SMARCC1: variants seen among roughly 807,000 people sequenced by gnomAD.
The protein encoded by SMARCC1 is SWI/SNF complex subunit SMARCC1.
Under a neutral mutation model 147.4 loss-of-function variants are expected in SMARCC1, and 43 were observed. That is an observed-to-expected ratio of 0.29 (90% confidence interval 0.23 to 0.38). The LOEUF is 0.38. Ranked by LOEUF, SMARCC1 falls within the 10% of genes least tolerant of loss-of-function variation. SMARCC1 has a pLI of 1.00. For synonymous variants in SMARCC1, 495 were observed against 484.4 expected, an observed-to-expected ratio of 1.02 and a Z score of -0.29; for missense variants, 1,119 against 1,381.1, an observed-to-expected ratio of 0.81 and a Z score of 3.01.
At chr3:47,733,994 T>G (rs1349941908) in intron 5 of SMARCC1, among the ~76,000 whole-genome samples, 1 of 151,968 alleles carries the variant, frequency 6.6e-6, no homozygotes, top group Non-Finnish European at 1.5e-5. Flanking sequence ...TATACATATG[T>G]ATGTATATCT....
At chr3:47,687,248 A>T (rs1053569897) in intron 13 of SMARCC1, among the ~76,000 whole-genome samples, 3 of 152,242 alleles carry the variant, frequency 2.0e-5, no homozygotes, top group Admixed American at 6.5e-5. Flanking sequence ...AAGGGTAACA[A>T]ATTTTATTTC....
At chr3:47,633,096 C>T (rs545464783) in intron 24 of SMARCC1, among the ~76,000 whole-genome samples, 23 of 152,144 alleles carry the variant, frequency 1.5e-4, no homozygotes, top group Non-Finnish European at 2.4e-4. Flanking sequence ...TTTATTGAAA[C>T]GGATGCTTGT....
chr3:47,764,068 T>C (rs1231244135), intron 2 of SMARCC1, among the ~76,000 whole-genome samples: 1 of 151,954 alleles, frequency 6.6e-6, no homozygotes, highest in African/African-American at 2.4e-5. Context: ...GGGATTTCGC[T>C]CTATCACTCA....
In SMARCC1 at chr3:47,619,353, A is replaced by G. The variant is rs144486626; in HGVS notation, c.2781+2854T>C. ...GTGATGTGCTACTTCTGTGTTAACA[A>G]AGACATCTGATTAAGTCCCTGCCCT... On this transcript the variant is annotated intron_variant, in intron 25 of 27. Transcript: ENST00000254480. 7.5e-3 allele frequency among the ~76,000 whole-genome samples: 1,146 copies of G among 152,348 alleles called. 7 individuals carry two copies. The highest frequency in any genetic ancestry group is 0.012 in the Non-Finnish European group (836 of 68,040).
chr3:47,700,622 T>C (rs11927789), intron 11 of SMARCC1, among the ~76,000 whole-genome samples: 6,296 of 152,244 alleles, frequency 0.041, 305 homozygotes, highest in Admixed American at 0.12. Context: ...GCAACCTCCT[T>C]CAAGTGATTC....
At position 47,733,977 on chromosome 3, in the gene SMARCC1, GTA is replaced by G. The variant is rs575979227; in HGVS notation, c.576+2055_576+2056del. Among the ~76,000 whole-genome samples the G allele has an allele frequency of 4.0e-3, 603 of 150,870 alleles. 2 individuals are homozygous for G. The highest frequency in any genetic ancestry group is 6.6e-3 in the African/African-American group (271 of 40,980). The stretch of plus-strand genomic sequence containing the variant: ...TGTATACACATATATGTACGTGTGT[GTA>G]TATATATACATATGTATGTATATCT... On this transcript the variant is annotated intron_variant, in intron 5 of 27. Transcript: ENST00000254480.
At chr3:47,679,865 A>C (rs1323732013) in intron 15 of SMARCC1, among the ~76,000 whole-genome samples, 1 of 150,572 alleles carries the variant, frequency 6.6e-6, no homozygotes, top group African/African-American at 2.4e-5. Flanking sequence ...CCATCTCAAA[A>C]AAAAAAAAAA....
At chr3:47,672,279 A>G (rs1467901709) in intron 18 of SMARCC1, among the ~76,000 whole-genome samples, 4 of 151,742 alleles carry the variant, frequency 2.6e-5, no homozygotes, top group Non-Finnish European at 5.9e-5. Flanking sequence ...CAGTGGCACG[A>G]TCTTGGCTCA....
intron 21 of SMARCC1, among the ~76,000 whole-genome samples, chr3:47,641,447 T>A (rs2033046540): frequency 6.6e-6 from 1 of 152,138 alleles, no homozygotes; most frequent in South Asian, 2.1e-4. Context: ...ACCTTGCCAC[T>A]GCACTCCAGC....
intron 7 of SMARCC1, among the ~76,000 whole-genome samples, chr3:47,717,269 C>T (rs1442318691): frequency 6.6e-6 from 1 of 152,122 alleles, no homozygotes; most frequent in Non-Finnish European, 1.5e-5. Flanking sequence ...GATCCGGCTA[C>T]CAATTTAAGG....
At chr3:47,705,528 G>A (rs916166206) in intron 10 of SMARCC1, among the ~76,000 whole-genome samples, 5 of 152,092 alleles carry the variant, frequency 3.3e-5, no homozygotes, top group Non-Finnish European at 7.4e-5. Flanking sequence ...ACTTCTATTA[G>A]TAAGAGTGTT....
At chr3:47,679,565 A>C (rs2033615767) in intron 15 of SMARCC1, among the ~76,000 whole-genome samples, 1 of 152,204 alleles carries the variant, frequency 6.6e-6, no homozygotes, top group South Asian at 2.1e-4. Flanking sequence ...ACACAAGTTG[A>C]AAGTTGTTAG....
chr3:47,669,230 G>A (rs188883664), intron 19 of SMARCC1, among the ~76,000 whole-genome samples: 31 of 152,302 alleles, frequency 2.0e-4, no homozygotes, highest in Admixed American at 2.6e-4. Context: ...TTTCTTGGAT[G>A]TCTTTAGTGT....
rs181541831 is a variant in SMARCC1 at position 47,750,308 on chromosome 3, G to A, written c.316-4315C>T. On this transcript the variant is annotated intron_variant, in intron 2 of 27. Coordinates refer to ENST00000254480, the MANE Select transcript of SMARCC1 (RefSeq NM_003074.4). ...AAATTAGCTGGGTGTGGTGGTGCACGCCTGTAGTCCCAGCTACTTGGGAGG... is the reference window on the plus strand; with the variant it reads ...AAATTAGCTGGGTGTGGTGGTGCACACCTGTAGTCCCAGCTACTTGGGAGG... 4.3e-3 allele frequency among the ~76,000 whole-genome samples: 647 copies of A among 152,146 alleles called. 7 individuals are homozygous for A. Among genetic ancestry groups the A allele is most frequent in the African/African-American group, 0.015 (622 of 41,508 alleles).
chr3:47,689,707 A>G (rs1255523003), intron 12 of SMARCC1, among the ~76,000 whole-genome samples: 3 of 152,228 alleles, frequency 2.0e-5, no homozygotes, highest in Non-Finnish European at 4.4e-5. Flanking sequence ...TTAATAACAG[A>G]TACAGGACTT....
At chr3:47,633,763 A>ATAT (rs1247394522) in intron 24 of SMARCC1, among the ~76,000 whole-genome samples, 2 of 31,716 alleles carry the variant, frequency 6.3e-5, no homozygotes, top group Non-Finnish European at 1.4e-4. Context: ...AAAAAAAAAA[A>ATAT]ATATATATAT....
chr3:47,615,865 G>T (rs1040446867), intron 25 of SMARCC1, among the ~76,000 whole-genome samples: 1 of 152,092 alleles, frequency 6.6e-6, no homozygotes. Flanking sequence ...TGTATTTTTA[G>T]TAGAGACGGG....
Position 47,706,452 on chromosome 3 carries a change from G to C in SMARCC1, c.997C>G (p.Pro333Ala), listed in dbSNP as rs570864616. Residue 333 changes from proline to alanine, a missense_variant, in exon 10 of 28, where the codon CCT (proline) becomes GCT (alanine). Physicochemically the swap from Pro to Ala is conservative, Grantham distance 27 (BLOSUM62 -1). Around this residue, in one of 6 missense-constraint regions of SMARCC1, gnomAD observed 542 missense variants for 611.8 expected, o/e 0.89. Transcript: ENST00000254480. ...TTCCGTGATTCTGTTGGTGTCGGAG[G>C]GGGAGGCGAAGGCGAATGTTTCCTC... ...RKRKHSPSPP[P>A]PTPTESRKKS... The C allele has an allele frequency of 2.0e-5, 31 of 1,579,242 alleles. No homozygotes were observed. The African/African-American group carries it at 2.6e-4, about 13-fold the overall frequency.
At chr3:47,653,343 A>G (rs2033218597) in intron 21 of SMARCC1, among the ~76,000 whole-genome samples, 1 of 152,164 alleles carries the variant, frequency 6.6e-6, no homozygotes, top group Non-Finnish European at 1.5e-5. Context: ...AATGACAGGA[A>G]CCCAAAACAA....
Sources: allele counts gnomAD v4.1 joint callset (sites outside exome capture counted in the v4.1 genomes callset), GRCh38; gene constraint gnomAD v4.1.1; regional missense constraint gnomAD v4.1.1; transcripts MANE v1.5; gene names NCBI Gene and HGNC (gene_info 2026-07-23, HGNC 2026-07-21).